Variants in SMIM20 observed in about 807,000 individuals in gnomAD.
SMIM20 encodes mitochondrial translation regulation assembly intermediate of cytochrome c oxidase protein of 7 kDa.
A neutral mutation model predicts 8.7 loss-of-function variants in SMIM20; 3 were observed. That is an observed-to-expected ratio of 0.34 (90% CI 0.16 to 0.89). The LOEUF (loss-of-function observed/expected upper bound fraction) is 0.89, where lower values mean the gene tolerates loss of function less well. Ranked by LOEUF, SMIM20 falls within the 40% of genes least tolerant of loss-of-function variation. The probability of loss-of-function intolerance (pLI) is 0.49; values close to 1 mark genes in which losing one functional copy is unlikely to be tolerated. For missense variants in SMIM20, 85 were observed against 84.8 expected (o/e 1.00, Z -0.01); for synonymous variants, 44 against 33.6 (o/e 1.31, Z -1.07).
At chr4:25,924,712 G>A (rs915691012) in intron 1 of SMIM20, among the ~76,000 whole-genome samples, 3 of 152,160 alleles carry the variant, frequency 2.0e-5, no homozygotes, top group Admixed American at 2.0e-4. Context: ...CAAAGACATT[G>A]TGAGCTTTCA....
At chr4:25,928,413 A>G in intron 2 of SMIM20, 44 bp downstream of exon 2, 1 of 1,536,592 alleles carries the variant, frequency 6.5e-7, no homozygotes, top group East Asian at 2.5e-5. Flanking sequence ...TATTTGTACT[A>G]CTGTGTTGTG....
At chr4:25,928,431 G>A (rs1711566208) in intron 2 of SMIM20, 62 bp downstream of exon 2, 4 of 1,496,284 alleles carry the variant, frequency 2.7e-6, no homozygotes, top group African/African-American at 2.8e-5. Flanking sequence ...GTGCGGGTTT[G>A]TGTGTGTTTG....
At chr4:25,921,025 T>G (rs1007433551) in intron 1 of SMIM20, among the ~76,000 whole-genome samples, 4 of 152,218 alleles carry the variant, frequency 2.6e-5, no homozygotes, top group African/African-American at 4.8e-5. Context: ...CTCCCACAGA[T>G]GAGTGACACA....
chr4:25,916,884 C>A (rs1185260807), intron 1 of SMIM20, among the ~76,000 whole-genome samples: 1 of 152,204 alleles, frequency 6.6e-6, no homozygotes, highest in East Asian at 1.9e-4. Flanking sequence ...CAGCTTTCGC[C>A]TTCAGTGCCA....
At chr4:25,925,755 A>C (rs995185002) in intron 1 of SMIM20, among the ~76,000 whole-genome samples, 24 of 152,244 alleles carry the variant, frequency 1.6e-4, no homozygotes, top group African/African-American at 5.8e-4. Context: ...AACAAGTCAC[A>C]CAGTCGATGT....
intron 1 of SMIM20, among the ~76,000 whole-genome samples, chr4:25,917,592 C>T (rs1432428431): frequency 6.6e-6 from 1 of 152,210 alleles, no homozygotes; most frequent in African/African-American, 2.4e-5. Flanking sequence ...ATTTAGCACT[C>T]TCTTTTTTAG....
chr4:25,915,483 G>A (rs756375307), intron 1 of SMIM20, among the ~76,000 whole-genome samples: 1 of 152,204 alleles, frequency 6.6e-6, no homozygotes, highest in Middle Eastern at 3.2e-3. Context: ...CATTACAAAT[G>A]TTGCAGCAGT....
chr4:25,928,226 G>A, intron 1 of SMIM20, 87 bp from the exon 2 acceptor site: 2 of 1,303,336 alleles, frequency 1.5e-6, no homozygotes, highest in South Asian at 1.4e-5. Context: ...TTTTCTAATT[G>A]TCCCATGTCA....
chr4:25,917,743 C>G (rs1719115322), intron 1 of SMIM20, among the ~76,000 whole-genome samples: 1 of 152,192 alleles, frequency 6.6e-6, no homozygotes, highest in East Asian at 1.9e-4. Flanking sequence ...CCACCCATTC[C>G]TGGGACTGAG....
At chr4:25,922,712 C>G (rs925348951) in intron 1 of SMIM20, among the ~76,000 whole-genome samples, 4 of 152,172 alleles carry the variant, frequency 2.6e-5, no homozygotes, top group Admixed American at 1.3e-4. Flanking sequence ...GGGCAGAAGC[C>G]TACTCCCTGA....
chr4:25,929,809 T>C lies in SMIM20; in HGVS notation c.*618T>C, dbSNP rs1378898403. 1 of 152,250 alleles carries C rather than the reference T, an allele frequency of 6.6e-6. No homozygotes were observed. The highest frequency in any genetic ancestry group is 2.4e-5 in the African/African-American group (1 of 41,468). 9.4% of individuals were successfully genotyped at this position (152,250 alleles called of 1,614,324 possible). A position where few individuals can be genotyped will look rare whatever the true frequency, so the allele number is the denominator to read the frequency against. On this transcript the variant is annotated 3_prime_UTR_variant, in exon 3 of 3. Coordinates refer to ENST00000506197, the MANE Select transcript of SMIM20 (RefSeq NM_001145432.3). ...AAAATAGACATTAAAATGATTTATTTCTACTTTGCAGTGGTGTCTTTTTGT... is the reference window on the plus strand; with the variant it reads ...AAAATAGACATTAAAATGATTTATTCCTACTTTGCAGTGGTGTCTTTTTGT...
chr4:25,929,239 T>C lies in SMIM20; in HGVS notation c.*48T>C. The C allele has an allele frequency of 3.2e-6, 5 of 1,544,982 alleles. No individual in the cohort carries two copies. Among genetic ancestry groups the C allele is most frequent in the Non-Finnish European group, 3.5e-6 (4 of 1,140,884 alleles). ...TAAGAAAGGAGATTTCTTCATGCTT[T>C]CGATTCTGCATGGGGTACAGCCAGT... On this transcript the variant is annotated 3_prime_UTR_variant, in exon 3 of 3. Coordinates refer to ENST00000506197, the MANE Select transcript of SMIM20 (RefSeq NM_001145432.3).
At chr4:25,926,953 T>G (rs1711527718) in intron 1 of SMIM20, among the ~76,000 whole-genome samples, 2 of 152,236 alleles carry the variant, frequency 1.3e-5, no homozygotes, top group South Asian at 2.1e-4. Context: ...GACTTACATG[T>G]CTATAGGATG....
chr4:25,927,772 G>A (rs1485921563), intron 1 of SMIM20, among the ~76,000 whole-genome samples: 1 of 152,206 alleles, frequency 6.6e-6, no homozygotes, highest in African/African-American at 2.4e-5. Context: ...GTGCTAATTG[G>A]CGCAGCACCT....
chr4:25,914,333 C>G lies in SMIM20; in HGVS notation c.20C>G (p.Thr7Ser). Residue 7 changes from threonine to serine, a missense_variant, in exon 1 of 3, where the codon ACC (threonine) becomes AGC (serine). Coordinates refer to ENST00000506197, the MANE Select transcript of SMIM20 (RefSeq NM_001145432.3). MSRNLR[T>S]ALIFGGFISL... is the part of the protein sequence containing the mutation. ...GACGCCATGTCCCGGAACCTGCGCA[C>G]CGCGCTCATTTTCGGCGGCTTCATC... The G allele has an allele frequency of 6.4e-7, 1 of 1,550,610 alleles. No homozygotes were observed. Among genetic ancestry groups the G allele is most frequent in the Non-Finnish European group, 8.7e-7 (1 of 1,146,282 alleles).
rs1212690544 is a variant in SMIM20, at chr4:25,928,355, A to T, written c.152A>T (p.Asp51Val). 3 of 1,549,794 alleles carry T rather than the reference A, an allele frequency of 1.9e-6. No individual in the cohort carries two copies. The highest frequency in any genetic ancestry group is 2.6e-6 in the Non-Finnish European group (3 of 1,146,314). Residue 51 changes from aspartate to valine, a missense_variant, in exon 2 of 3, where the codon GAT becomes GTT. Physicochemically the swap from Asp to Val is radical, Grantham distance 152. Coordinates refer to ENST00000506197, the MANE Select transcript of SMIM20 (RefSeq NM_001145432.3). The stretch of plus-strand genomic sequence containing the variant: ...AATCGGGCTGGAATTGTTCAAGAGG[A>T]TGTGCAGCCACCAGGTAAACTGAAA... ...AINRAGIVQE[D>V]VQPPGLKVWS...
chr4:25,920,459 AT>A (rs1268822307), intron 1 of SMIM20, among the ~76,000 whole-genome samples: 2 of 152,320 alleles, frequency 1.3e-5, no homozygotes, highest in South Asian at 2.1e-4. Context: ...AAGAGAAAAT[AT>A]TTTTGTACAG....
intron 1 of SMIM20, among the ~76,000 whole-genome samples, chr4:25,923,582 A>G (rs535378000): frequency 2.0e-5 from 3 of 152,290 alleles, no homozygotes; most frequent in African/African-American, 7.2e-5. Context: ...CAGACAGTGA[A>G]GAATGTTCAA....
chr4:25,922,094 G>A (rs1719212027), intron 1 of SMIM20, among the ~76,000 whole-genome samples: 1 of 152,202 alleles, frequency 6.6e-6, no homozygotes, highest in South Asian at 2.1e-4. Flanking sequence ...AGTGTATTAA[G>A]TTGACTATTA....
Sources: allele counts gnomAD v4.1 joint callset (sites outside exome capture counted in the v4.1 genomes callset), GRCh38; gene constraint gnomAD v4.1.1; transcripts MANE v1.5; gene names NCBI Gene and HGNC (gene_info 2026-07-23, HGNC 2026-07-21).